ZFHX3: variants seen among roughly 807,000 people sequenced by gnomAD.
ZFHX3 encodes the protein zinc finger homeobox protein 3.
ZFHX3 carries 42 observed loss-of-function variants against 279.1 expected under a neutral mutation model. The observed-to-expected ratio is 0.15, with a 90% CI of 0.12 to 0.19. ZFHX3 has a LOEUF of 0.19. Ranked by LOEUF, ZFHX3 falls within the 10% of genes least tolerant of loss-of-function variation. The pLI, the probability that ZFHX3 is intolerant of heterozygous loss-of-function variation, is 1.00. For missense variants in ZFHX3, 4,981 were observed against 4,754.0 expected (o/e 1.05, Z -1.40); for synonymous variants, 2,293 against 1,957.8 (o/e 1.17, Z -4.52).
chr16:73,580,228 C>A (rs1370831638), intron 2 of ZFHX3, among the ~76,000 whole-genome samples: 1 of 151,666 alleles, frequency 6.6e-6, no homozygotes, highest in Non-Finnish European at 1.5e-5. Flanking sequence ...GCCTGTAATC[C>A]CAGCACTCTG....
intron 7 of ZFHX3, among the ~76,000 whole-genome samples, chr16:72,800,449 C>G (rs2036061768): frequency 6.6e-6 from 1 of 152,104 alleles, no homozygotes; most frequent in Non-Finnish European, 1.5e-5. Context: ...CTTGTGCAAC[C>G]AATTAGGTAG....
At chr16:73,381,455 C>G (rs1257054241) in intron 3 of ZFHX3, among the ~76,000 whole-genome samples, 1 of 151,748 alleles carries the variant, frequency 6.6e-6, no homozygotes, top group Non-Finnish European at 1.5e-5. Context: ...GAGAGAGAGA[C>G]AAAGAGATGA....
chr16:73,160,058 C>T (rs111436935), intron 5 of ZFHX3, among the ~76,000 whole-genome samples: 7,279 of 152,184 alleles, frequency 0.048, 575 homozygotes, highest in African/African-American at 0.16. Flanking sequence ...CCTCCACGCC[C>T]GGCCTAAGCT....
chr16:73,577,227 A>T (rs1246605758), intron 2 of ZFHX3, among the ~76,000 whole-genome samples: 1 of 152,190 alleles, frequency 6.6e-6, no homozygotes, highest in Non-Finnish European at 1.5e-5. Flanking sequence ...TTTTTCCCTT[A>T]AAATATGGGA....
intron 5 of ZFHX3, among the ~76,000 whole-genome samples, chr16:73,242,846 G>T (rs757258924): frequency 1.3e-5 from 2 of 152,196 alleles, no homozygotes; most frequent in African/African-American, 4.8e-5. Context: ...TCAGTGTGGA[G>T]GTGTGGGGTA....
intron 3 of ZFHX3, among the ~76,000 whole-genome samples, chr16:72,943,908 C>T (rs543868794): frequency 3.9e-5 from 6 of 152,126 alleles, no homozygotes; most frequent in Admixed American, 2.6e-4. Flanking sequence ...AATACTATGT[C>T]GACATTAAAA....
intron 8 of ZFHX3, among the ~76,000 whole-genome samples, chr16:73,067,023 C>A (rs1965763933): frequency 6.6e-6 from 1 of 152,046 alleles, no homozygotes; most frequent in African/African-American, 2.4e-5. Flanking sequence ...GCCCCAGGTG[C>A]AAGAGCTGGG....
intron 3 of ZFHX3, among the ~76,000 whole-genome samples, chr16:72,942,445 A>G (rs1448423882): frequency 6.6e-6 from 1 of 152,158 alleles, no homozygotes; most frequent in Non-Finnish European, 1.5e-5. Context: ...AGGTACTGGA[A>G]GTTTGAGGTT....
intron 1 of ZFHX3, among the ~76,000 whole-genome samples, chr16:73,871,014 G>A (rs1431979585): frequency 1.3e-5 from 2 of 152,148 alleles, no homozygotes; most frequent in African/African-American, 4.8e-5. Context: ...ATGTACCAGG[G>A]AGCTGTAGAT....
intron 1 of ZFHX3, among the ~76,000 whole-genome samples, chr16:73,724,726 T>C (rs182445655): frequency 6.6e-6 from 1 of 152,314 alleles, no homozygotes; most frequent in African/African-American, 2.4e-5. Flanking sequence ...GACCTCAGCA[T>C]CATTAATCAA....
At chr16:73,685,543 A>T (rs2053073907) in intron 1 of ZFHX3, among the ~76,000 whole-genome samples, 1 of 152,144 alleles carries the variant, frequency 6.6e-6, no homozygotes, top group Admixed American at 6.5e-5. Flanking sequence ...GCCCAATGAG[A>T]CCCTTCTCAG....
chr16:72,889,643 T>A, intron 4 of ZFHX3, 88 bp downstream of exon 4: 1 of 1,270,062 alleles, frequency 7.9e-7, no homozygotes, highest in African/African-American at 1.5e-5. Context: ...ATCAGTAACG[T>A]CTCCCTCAAA....
chr16:73,014,060 G>T (rs1296763056), intron 1 of ZFHX3, among the ~76,000 whole-genome samples: 1 of 152,206 alleles, frequency 6.6e-6, no homozygotes, highest in East Asian at 1.9e-4. Context: ...AGGGGCAAAG[G>T]AGAGGACAGA....
At chr16:73,308,761 C>CT (rs1009677443) in intron 4 of ZFHX3, among the ~76,000 whole-genome samples, 20 of 150,868 alleles carry the variant, frequency 1.3e-4, no homozygotes, top group East Asian at 3.9e-4. Context: ...GAGTATTAGA[C>CT]TTTTTTTTTC....
intron 1 of ZFHX3, among the ~76,000 whole-genome samples, chr16:73,855,216 CT>C (rs1032892286): frequency 0.07 from 7,746 of 111,410 alleles, 209 homozygotes; most frequent in African/African-American, 0.22. Flanking sequence ...AGGCGTTAGC[CT>C]TTTTTTTTTT....
At chr16:73,000,950 A>G (rs1374216412) in intron 1 of ZFHX3, among the ~76,000 whole-genome samples, 1 of 152,140 alleles carries the variant, frequency 6.6e-6, no homozygotes, top group Non-Finnish European at 1.5e-5. Context: ...AGTCCTTATG[A>G]TCCCTGGTGG....
At chr16:73,779,872 C>A (rs1235261967) in intron 1 of ZFHX3, among the ~76,000 whole-genome samples, 4 of 152,058 alleles carry the variant, frequency 2.6e-5, no homozygotes, top group Non-Finnish European at 5.9e-5. Context: ...CATGCACCAG[C>A]AACACCCAGC....
At chr16:73,026,901 A>T (rs895105552) in intron 1 of ZFHX3, among the ~76,000 whole-genome samples, 8 of 152,172 alleles carry the variant, frequency 5.3e-5, no homozygotes, top group African/African-American at 1.7e-4. Flanking sequence ...TTAGCAGTAG[A>T]TTTGGAGCTA....
chr16:72,931,405 A>ACGCG (rs1491384747), intron 3 of ZFHX3, among the ~76,000 whole-genome samples: 514 of 4,246 alleles, frequency 0.12, 14 homozygotes, highest in Admixed American at 0.34. Flanking sequence ...TTATTTCATT[A>ACGCG]CACACACACA....
Sources: allele counts gnomAD v4.1 joint callset (sites outside exome capture counted in the v4.1 genomes callset), GRCh38; gene constraint gnomAD v4.1.1; transcripts MANE v1.5; gene names NCBI Gene and HGNC (gene_info 2026-07-23, HGNC 2026-07-21).